Variants in GPHN observed in about 807,000 individuals in gnomAD.
GPHN encodes the protein gephyrin.
In GPHN, 17 loss-of-function variants were observed where a neutral mutation model predicts 95.5. The ratio of observed to expected loss-of-function variants is 0.18; its 90% confidence interval spans 0.12 to 0.27. The LOEUF is 0.27. Ranked by LOEUF, GPHN falls within the 10% of genes least tolerant of loss-of-function variation. The probability of loss-of-function intolerance (pLI) is 1.00; values close to 1 mark genes in which losing one functional copy is unlikely to be tolerated. For synonymous variants in GPHN, 320 were observed against 322.5 expected (o/e 0.99, Z 0.08); for missense variants, 660 against 978.1 (o/e 0.67, Z 4.34).
the GPHN span, among the ~76,000 whole-genome samples, chr14:67,494,761 C>T: frequency 2.0e-5 from 3 of 152,106 alleles, no homozygotes; most frequent in South Asian, 2.1e-4. Flanking sequence ...GAACACAGAA[C>T]GAAGGCTCGC....
At chr14:67,204,067 T>C in the GPHN span, among the ~76,000 whole-genome samples, 2 of 152,114 alleles carry the variant, frequency 1.3e-5, no homozygotes, top group African/African-American at 4.8e-5. Context: ...ATGAGATGGT[T>C]CTCAGGAGCC....
chr14:66,944,134 C>T (rs1046197646), intron 8 of GPHN, among the ~76,000 whole-genome samples: 15 of 152,264 alleles, frequency 9.9e-5, no homozygotes, highest in Admixed American at 3.3e-4. Flanking sequence ...TTAATTAAGC[C>T]GAGCACTCTT....
At chr14:66,637,127 T>C (rs1456328216) in intron 1 of GPHN, among the ~76,000 whole-genome samples, 1 of 152,142 alleles carries the variant, frequency 6.6e-6, no homozygotes, top group Non-Finnish European at 1.5e-5. Flanking sequence ...GTCACTTTAT[T>C]TAGCTTGGCT....
chr14:67,569,186 A>G, the GPHN span: 31,041 of 1,612,884 alleles, frequency 0.019, 837 homozygotes, highest in African/African-American at 0.13. Flanking sequence ...GCTCTCAGAT[A>G]TGTCTCCCAG....
chr14:67,703,937 C>G, the GPHN span, among the ~76,000 whole-genome samples: 1 of 152,174 alleles, frequency 6.6e-6, no homozygotes, highest in Non-Finnish European at 1.5e-5. Flanking sequence ...CTCAGCATCC[C>G]AAAGTGCTGG....
chr14:67,362,630 A>G, the GPHN span, among the ~76,000 whole-genome samples: 2 of 152,158 alleles, frequency 1.3e-5, no homozygotes, highest in Non-Finnish European at 2.9e-5. Context: ...CGAGTTTACT[A>G]TGTTAATTGC....
rs10711873 is a variant in GPHN at position 66,680,999 on chromosome 14, G to GA, written c.65-97dup. 0.03 allele frequency: 15,725 copies of GA among 524,440 alleles called. 12 individuals are homozygous for GA. Among genetic ancestry groups the GA allele is most frequent in the Non-Finnish European group, 0.038 (10,760 of 283,212 alleles). 32.5% of individuals were successfully genotyped at this position (524,440 alleles called of 1,614,324 possible). On this transcript the variant is annotated intron_variant, in intron 1 of 22. Transcript: ENST00000478722. Reference sequence around the variant, plus strand: ...TCAATAGTAATGTTTGGGGAAAAATGAAAAAAAAAAAGCTATTTTTCATTT... The same window carrying GA: ...TCAATAGTAATGTTTGGGGAAAAATGAAAAAAAAAAAAGCTATTTTTCATTT...
intron 8 of GPHN, among the ~76,000 whole-genome samples, chr14:66,932,717 A>G (rs2066892645): frequency 6.6e-6 from 1 of 151,604 alleles, no homozygotes; most frequent in African/African-American, 2.4e-5. Context: ...TTCAAGGCCC[A>G]AGGGCTTTTT....
At chr14:67,556,595 TA>T in the GPHN span, among the ~76,000 whole-genome samples, 1 of 152,144 alleles carries the variant, frequency 6.6e-6, no homozygotes, top group Admixed American at 6.6e-5. Flanking sequence ...AGCTTTTAAA[TA>T]CTTAAGCCCA....
chr14:66,530,596 C>T (rs1453795719), intron 1 of GPHN, among the ~76,000 whole-genome samples: 1 of 152,190 alleles, frequency 6.6e-6, no homozygotes, highest in African/African-American at 2.4e-5. Flanking sequence ...GCACAGGCAC[C>T]AGAGGGAATC....
At chr14:66,841,394 C>T (rs2062082216) in intron 4 of GPHN, among the ~76,000 whole-genome samples, 1 of 152,032 alleles carries the variant, frequency 6.6e-6, no homozygotes, top group South Asian at 2.1e-4. Flanking sequence ...AGAGTAGAGG[C>T]ATGGCATGAA....
At chr14:67,590,986 A>T in the GPHN span, among the ~76,000 whole-genome samples, 3 of 152,254 alleles carry the variant, frequency 2.0e-5, no homozygotes, top group Non-Finnish European at 2.9e-5. Context: ...AATGAAATGT[A>T]ATAACCAAAA....
intron 2 of GPHN, among the ~76,000 whole-genome samples, chr14:66,750,982 A>G (rs1184891444): frequency 6.6e-6 from 1 of 151,942 alleles, no homozygotes; most frequent in Non-Finnish European, 1.5e-5. Context: ...TTTCATATCA[A>G]TGTCAAGTCT....
intron 1 of GPHN, among the ~76,000 whole-genome samples, chr14:66,651,962 A>G (rs909236601): frequency 1.3e-5 from 2 of 152,146 alleles, no homozygotes; most frequent in African/African-American, 4.8e-5. Flanking sequence ...TACACAATAA[A>G]TATAATGTGC....
intron 1 of GPHN, among the ~76,000 whole-genome samples, chr14:66,545,230 G>A (rs1394164655): frequency 1.4e-5 from 2 of 141,964 alleles, no homozygotes; most frequent in Non-Finnish European, 3.1e-5. Context: ...CCTCCCTCCC[G>A]GACGGGGCGG....
intron 3 of GPHN, among the ~76,000 whole-genome samples, chr14:66,788,102 G>T (rs1394644250): frequency 2.0e-5 from 3 of 149,258 alleles, no homozygotes; most frequent in African/African-American, 7.4e-5. Flanking sequence ...GGCCGAGGCA[G>T]GCGGATTACC....
At chr14:66,637,795 G>C (rs955336830) in intron 1 of GPHN, among the ~76,000 whole-genome samples, 1 of 152,094 alleles carries the variant, frequency 6.6e-6, no homozygotes, top group East Asian at 1.9e-4. Context: ...TAAGTATGAG[G>C]TTAATTTTGT....
At chr14:67,316,976 A>T in the GPHN span, 1 of 1,190,116 alleles carries the variant, frequency 8.4e-7, no homozygotes, top group Non-Finnish European at 1.2e-6. Flanking sequence ...GAATCTGCAT[A>T]TTAGAACCGT....
the GPHN span, among the ~76,000 whole-genome samples, chr14:67,632,586 G>A: frequency 5.9e-4 from 90 of 152,214 alleles, no homozygotes; most frequent in Non-Finnish European, 9.7e-4. Flanking sequence ...CCCTTCTGTA[G>A]GAACTGAGAG....
Sources: allele counts gnomAD v4.1 joint callset (sites outside exome capture counted in the v4.1 genomes callset), GRCh38; gene constraint gnomAD v4.1.1; transcripts MANE v1.5; gene names NCBI Gene and HGNC (gene_info 2026-07-23, HGNC 2026-07-21).